ANO4: variants seen among roughly 807,000 people sequenced by gnomAD.
ANO4 encodes anoctamin 4.
Under a neutral mutation model 141.9 loss-of-function variants are expected in ANO4, and 69 were observed. That is an observed-to-expected ratio of 0.49 (90% CI 0.40 to 0.59). The LOEUF (loss-of-function observed/expected upper bound fraction) is 0.59. ANO4 is among the 20% of genes least tolerant of loss of function. ANO4 has a pLI of 0.00. For missense variants in ANO4, 894 were observed against 1,162.2 expected (o/e 0.77, Z 3.36); for synonymous variants, 350 against 394.3 (o/e 0.89, Z 1.33).
chr12:100,796,395 G>C (rs1345845115), intron 1 of ANO4, among the ~76,000 whole-genome samples: 1 of 152,034 alleles, frequency 6.6e-6, no homozygotes, highest in African/African-American at 2.4e-5. Context: ...TATGTCCCCT[G>C]TTCATGTGGA....
intron 7 of ANO4, among the ~76,000 whole-genome samples, chr12:100,979,895 C>CTTTTTTTTTTTT (rs71091474): frequency 8.4e-6 from 1 of 119,420 alleles, no homozygotes; most frequent in Non-Finnish European, 1.7e-5. Flanking sequence ...GCCCAGCTGA[C>CTTTTTTTTTTTT]TTTTTTTTTT....
At chr12:100,849,136 G>T (rs143801831) in intron 1 of ANO4, among the ~76,000 whole-genome samples, 1 of 152,068 alleles carries the variant, frequency 6.6e-6, no homozygotes, top group South Asian at 2.1e-4. Context: ...TGTCCTTTGG[G>T]TAAAAGATCC....
At chr12:101,041,271 G>A (rs539170535) in intron 11 of ANO4, among the ~76,000 whole-genome samples, 6 of 152,216 alleles carry the variant, frequency 3.9e-5, no homozygotes, top group Non-Finnish European at 8.8e-5. Context: ...AGTGTTCCAA[G>A]GGCATTGATG....
chr12:100,960,488 A>G (rs1356113114), intron 5 of ANO4, among the ~76,000 whole-genome samples: 1 of 152,132 alleles, frequency 6.6e-6, no homozygotes, highest in Non-Finnish European at 1.5e-5. Context: ...CATTTCACCA[A>G]GACATAAATA....
At chr12:100,797,668 T>C (rs1382487312) in intron 1 of ANO4, among the ~76,000 whole-genome samples, 2 of 152,204 alleles carry the variant, frequency 1.3e-5, no homozygotes, top group Non-Finnish European at 2.9e-5. Flanking sequence ...TTACACTCTT[T>C]AATTACAACT....
At chr12:100,843,827 A>G (rs1421141600) in intron 1 of ANO4, among the ~76,000 whole-genome samples, 1 of 152,210 alleles carries the variant, frequency 6.6e-6, no homozygotes, top group East Asian at 1.9e-4. Context: ...AATTTGAAAT[A>G]TACAATGAGT....
At chr12:100,884,984 C>A (rs1053797432) in intron 1 of ANO4, among the ~76,000 whole-genome samples, 1 of 152,210 alleles carries the variant, frequency 6.6e-6, no homozygotes, top group Non-Finnish European at 1.5e-5. Context: ...CATGAGCCAC[C>A]ATACCCAGCC....
At chr12:101,019,895 C>T (rs947704544) in intron 8 of ANO4, 139 bp from the exon 9 acceptor site, 2 of 685,198 alleles carry the variant, frequency 2.9e-6, no homozygotes, top group Admixed American at 5.5e-5. Flanking sequence ...TGATCTCTGG[C>T]TCCCTCAGGC....
At chr12:100,910,642 A>G (rs12319978) in intron 2 of ANO4, among the ~76,000 whole-genome samples, 3,487 of 152,260 alleles carry the variant, frequency 0.023, 141 homozygotes, top group African/African-American at 0.079. Flanking sequence ...GTTTGAAACT[A>G]TAAAGCTTAG....
intron 3 of ANO4, among the ~76,000 whole-genome samples, chr12:100,753,895 A>C (rs1041673671): frequency 3.3e-5 from 5 of 152,190 alleles, no homozygotes; most frequent in Non-Finnish European, 7.3e-5. Flanking sequence ...GCACCTGTCC[A>C]AGCCACTTCT....
At chr12:100,760,808 C>T (rs1215044058) in intron 3 of ANO4, among the ~76,000 whole-genome samples, 1 of 152,186 alleles carries the variant, frequency 6.6e-6, no homozygotes. Context: ...ATGCCAAATA[C>T]TCAAGCTGGC....
intron 1 of ANO4, among the ~76,000 whole-genome samples, chr12:100,720,724 T>C (rs1333726728): frequency 6.6e-6 from 1 of 152,150 alleles, no homozygotes; most frequent in Non-Finnish European, 1.5e-5. Flanking sequence ...AGAGTCAGTC[T>C]CGTAGTGGGA....
At chr12:101,008,799 G>T (rs2045967669) in intron 8 of ANO4, among the ~76,000 whole-genome samples, 2 of 151,952 alleles carry the variant, frequency 1.3e-5, no homozygotes, top group Non-Finnish European at 2.9e-5. Flanking sequence ...TCATCTTCCT[G>T]AGAAAATTAC....
chr12:100,948,926 G>A (rs776742090), intron 5 of ANO4, among the ~76,000 whole-genome samples: 13 of 152,142 alleles, frequency 8.5e-5, no homozygotes, highest in African/African-American at 1.2e-4. Context: ...GCAGACTGGC[G>A]TCAGAGAGAC....
At chr12:100,798,340 T>C (rs2034464997) in intron 1 of ANO4, among the ~76,000 whole-genome samples, 1 of 152,208 alleles carries the variant, frequency 6.6e-6, no homozygotes, top group Non-Finnish European at 1.5e-5. Flanking sequence ...CAAAGAGTTA[T>C]GTGCGACTCC....
intron 1 of ANO4, among the ~76,000 whole-genome samples, chr12:100,844,759 G>A (rs910220009): frequency 1.0e-4 from 11 of 110,342 alleles, no homozygotes; most frequent in Non-Finnish European, 1.8e-4. Context: ...AGGCATCCAC[G>A]TGGAGGTATA....
chr12:100,797,145 T>C (rs1514789), intron 1 of ANO4, among the ~76,000 whole-genome samples: 6,436 of 151,734 alleles, frequency 0.042, 450 homozygotes, highest in African/African-American at 0.15. Flanking sequence ...TATATATATA[T>C]ACACACATAT....
chr12:101,109,685 G>C (rs922758800), intron 22 of ANO4, among the ~76,000 whole-genome samples: 1 of 152,142 alleles, frequency 6.6e-6, no homozygotes, highest in Non-Finnish European at 1.5e-5. Context: ...AAATATCCTA[G>C]TTTCTTCAAT....
intron 3 of ANO4, among the ~76,000 whole-genome samples, chr12:100,770,538 C>T (rs1186262421): frequency 2.0e-5 from 3 of 152,098 alleles, no homozygotes; most frequent in Admixed American, 2.0e-4. Context: ...TTATAGAAAC[C>T]AAGATAGAGT....
Sources: gnomAD v4.1 joint callset for allele counts (sites outside exome capture counted in the v4.1 genomes callset) on GRCh38, gnomAD v4.1.1 for gene constraint, MANE v1.5 for transcripts, NCBI Gene and HGNC (gene_info 2026-07-23, HGNC 2026-07-21) for gene names.